GSE1: variants seen among roughly 807,000 people sequenced by gnomAD.
GSE1 encodes the protein genetic suppressor element 1.
A neutral mutation model predicts 112.6 loss-of-function variants in GSE1; 32 were observed. That is an observed-to-expected ratio of 0.28 (90% confidence interval 0.21 to 0.38). GSE1 has a LOEUF of 0.38. Among genes scored for constraint, GSE1 ranks in the 10% least tolerant of loss-of-function variants. The pLI, the probability that GSE1 is intolerant of heterozygous loss-of-function variation, is 1.00. For missense variants in GSE1, 2,348 were observed against 1,699.2 expected, an observed-to-expected ratio of 1.38 and a Z score of -6.71; for synonymous variants, 1,115 against 735.6, an observed-to-expected ratio of 1.52 and a Z score of -8.35.
At chr16:85,434,982 CA>C (rs2151767189) in intron 2 of GSE1, among the ~76,000 whole-genome samples, 1 of 152,382 alleles carries the variant, frequency 6.6e-6, no homozygotes, top group African/African-American at 2.4e-5. Flanking sequence ...TGTGCAGCCT[CA>C]GCAGTCACAC....
upstream of GSE1, chr16:85,554,744 G>T (rs1318655679): frequency 2.0e-5 from 8 of 409,792 alleles, no homozygotes; most frequent in African/African-American, 1.3e-4. Flanking sequence ...CTGGCGGAGG[G>T]CGAACTCCCG....
chr16:85,343,028 G>A (rs1362789972), intron 1 of GSE1, among the ~76,000 whole-genome samples: 1 of 152,020 alleles, frequency 6.6e-6, no homozygotes, highest in East Asian at 2.0e-4. Flanking sequence ...AGGCCTGGGG[G>A]TGCAGAGGGA....
chr16:85,654,256 A>G, intron 3 of GSE1, 22 bp from the exon 4 acceptor site: 1 of 1,571,890 alleles, frequency 6.4e-7, no homozygotes, highest in South Asian at 1.2e-5. Context: ...TCCTGCCCTG[A>G]CTGGACGCTC....
chr16:85,472,753 A>G (rs909232693), intron 2 of GSE1, among the ~76,000 whole-genome samples: 1 of 152,202 alleles, frequency 6.6e-6, no homozygotes, highest in Non-Finnish European at 1.5e-5. Context: ...AACGGCCTAA[A>G]GGCTAAGGAC....
At chr16:85,280,783 G>T (rs1419290948) in intron 1 of GSE1, among the ~76,000 whole-genome samples, 1 of 152,194 alleles carries the variant, frequency 6.6e-6, no homozygotes, top group Non-Finnish European at 1.5e-5. Context: ...TTGCAGCTGT[G>T]TCAGTGTCTC....
chr16:85,335,424 A>C (rs560679431), intron 1 of GSE1, among the ~76,000 whole-genome samples: 2 of 152,364 alleles, frequency 1.3e-5, no homozygotes, highest in South Asian at 4.1e-4. Context: ...AGGAATGAGT[A>C]ATTAGCGCGG....
intron 2 of GSE1, among the ~76,000 whole-genome samples, chr16:85,362,939 A>G (rs542598794): frequency 6.7e-5 from 10 of 149,394 alleles, no homozygotes; most frequent in African/African-American, 2.5e-4. Flanking sequence ...AGGCTCAAGC[A>G]ATTCTCCCAC....
At chr16:85,669,339 A>G (rs2053141207) in intron 14 of GSE1, among the ~76,000 whole-genome samples, 1 of 152,270 alleles carries the variant, frequency 6.6e-6, no homozygotes, top group Non-Finnish European at 1.5e-5. Context: ...TGTAAATATC[A>G]TCAAACACAA....
intron 1 of GSE1, among the ~76,000 whole-genome samples, chr16:85,215,822 C>G (rs2075298886): frequency 1.3e-5 from 2 of 152,116 alleles, no homozygotes; most frequent in South Asian, 4.1e-4. Flanking sequence ...TAGGACTCAA[C>G]TCTCCCCTTC....
chr16:85,414,635 G>C (rs7403907), intron 2 of GSE1, among the ~76,000 whole-genome samples: 1 of 151,958 alleles, frequency 6.6e-6, no homozygotes, highest in African/African-American at 2.4e-5. Context: ...CTTTATTCTA[G>C]TTATTTATTT....
chr16:85,594,233 T>TGGGGG (rs1193602830), intron 1 of GSE1: 1 of 24,012 alleles, frequency 4.2e-5, no homozygotes, highest in African/African-American at 8.4e-5. Context: ...CCTGGGGGGT[T>TGGGGG]GGGGGGGGGG....
chr16:85,359,326 CG>C, intron 2 of GSE1: 1 of 452,228 alleles, frequency 2.2e-6, no homozygotes, highest in Non-Finnish European at 4.5e-6. Flanking sequence ...TGGTTCTCAC[CG>C]TTTCTCTCCC....
intron 9 of GSE1, chr16:85,662,675 C>T (rs996044705): frequency 4.7e-5 from 17 of 358,994 alleles, no homozygotes; most frequent in Middle Eastern, 7.6e-4. Context: ...GCCGTGGACA[C>T]AGCCCCAGGC....
chr16:85,517,403 C>T (rs1318404442), intron 2 of GSE1, among the ~76,000 whole-genome samples: 2 of 152,208 alleles, frequency 1.3e-5, no homozygotes, highest in African/African-American at 4.8e-5. Context: ...GAGTTCTGCA[C>T]ATAAAAAGCT....
chr16:85,492,518 A>G (rs564589406), intron 2 of GSE1, among the ~76,000 whole-genome samples: 24 of 152,342 alleles, frequency 1.6e-4, no homozygotes, highest in African/African-American at 5.8e-4. Context: ...TCACTTGTTT[A>G]ATATCCACAA....
intron 2 of GSE1, among the ~76,000 whole-genome samples, chr16:85,371,262 G>C (rs954305052): frequency 6.6e-6 from 1 of 152,234 alleles, no homozygotes; most frequent in Admixed American, 6.5e-5. Flanking sequence ...GCCCCAAGTG[G>C]AAAGTGCTCC....
At chr16:85,383,311 TAC>T (rs1296823269) in intron 2 of GSE1, among the ~76,000 whole-genome samples, 1 of 151,066 alleles carries the variant, frequency 6.6e-6, no homozygotes, top group African/African-American at 2.4e-5. Flanking sequence ...AACATGTACA[TAC>T]ACAGTCCTCA....
At chr16:85,246,572 C>T (rs1597180626) in intron 1 of GSE1, among the ~76,000 whole-genome samples, 1 of 147,858 alleles carries the variant, frequency 6.8e-6, no homozygotes, top group South Asian at 2.2e-4. Context: ...GATTTATGTC[C>T]CCAGTCGTCT....
intron 15 of GSE1, 32 bp from the exon 16 acceptor site, chr16:85,672,373 G>T (rs1345602443): frequency 1.3e-6 from 2 of 1,576,262 alleles, no homozygotes; most frequent in South Asian, 2.2e-5. Context: ...GAGGAAACGG[G>T]TTGGTTTTGA....
Sources: allele counts gnomAD v4.1 joint callset (sites outside exome capture counted in the v4.1 genomes callset), GRCh38; gene constraint gnomAD v4.1.1; transcripts MANE v1.5; gene names NCBI Gene and HGNC (gene_info 2026-07-23, HGNC 2026-07-21).